Variants in NAA35 observed in about 807,000 individuals in gnomAD.
The protein encoded by NAA35 is N-alpha-acetyltransferase 35, NatC auxiliary subunit.
NAA35 carries 18 observed loss-of-function variants against 101.7 expected under a neutral mutation model. That is an observed-to-expected ratio of 0.18 (90% CI 0.12 to 0.26). NAA35 has a LOEUF of 0.26. Ranked by LOEUF, NAA35 falls within the 10% of genes least tolerant of loss-of-function variation. The pLI, the probability that NAA35 is intolerant of heterozygous loss-of-function variation, is 1.00. For missense variants in NAA35, 601 were observed against 886.8 expected, an observed-to-expected ratio of 0.68 and a Z score of 4.09; for synonymous variants, 267 against 273.1, an observed-to-expected ratio of 0.98 and a Z score of 0.22.
chr9:86,021,076 A>C, intron 22 of NAA35, 107 bp downstream of exon 22: 2 of 761,956 alleles, frequency 2.6e-6, no homozygotes. Flanking sequence ...CACTGAACAA[A>C]AATCATTCTA....
chr9:85,977,465 A>G lies in NAA35; in HGVS notation c.762+19A>G, dbSNP rs1830260024. Reference sequence around the variant, plus strand: ...GAAAGAGGTAAGGGCATTCAATATAATATGTCTATTTGTTTTAGTGATTTT... The same window carrying G: ...GAAAGAGGTAAGGGCATTCAATATAGTATGTCTATTTGTTTTAGTGATTTT... On this transcript the variant is annotated intron_variant, in intron 10 of 22. Coordinates refer to ENST00000361671, the MANE Select transcript of NAA35 (RefSeq NM_024635.4). 1.3e-6 allele frequency: 2 copies of G among 1,533,600 alleles called. No individual in the cohort carries two copies. Among genetic ancestry groups the G allele is most frequent in the Non-Finnish European group, 9.0e-7 (1 of 1,109,030 alleles). The allele number at this position is 1,533,600 out of a possible 1,614,324, so 95.0% of individuals were successfully genotyped here. A position where few individuals can be genotyped will look rare whatever the true frequency, so the allele number is the denominator to read the frequency against.
At chr9:85,983,225 T>C (rs1259433681) in intron 11 of NAA35, among the ~76,000 whole-genome samples, 1 of 152,230 alleles carries the variant, frequency 6.6e-6, no homozygotes, top group African/African-American at 2.4e-5. Flanking sequence ...TAGTCATTAT[T>C]GTGACCTACT....
chr9:86,002,769 A>G (rs1238823895), intron 12 of NAA35, among the ~76,000 whole-genome samples: 2 of 151,436 alleles, frequency 1.3e-5, no homozygotes, highest in African/African-American at 4.9e-5. Context: ...TATTATTATT[A>G]TTTTTCTTGG....
At chr9:85,957,939 A>G (rs1829345431) in intron 3 of NAA35, among the ~76,000 whole-genome samples, 3 of 147,152 alleles carry the variant, frequency 2.0e-5, no homozygotes, top group Admixed American at 6.8e-5. Context: ...CATCTTATAT[A>G]TTTTCTTTTT....
Position 85,993,153 on chromosome 9 carries a change from T to C in NAA35, c.878-3246T>C, listed in dbSNP as rs186095982. Among the ~76,000 whole-genome samples the C allele has an allele frequency of 1.3e-3, 193 of 152,304 alleles. 4 individuals are homozygous for C. The South Asian group carries it at 0.034, about 27-fold the overall frequency. ...AATGAGTACAAATTGTCTGATTGTT[T>C]TGTTTGTTTAAAAGTAGGAAAGGCT... On this transcript the variant is annotated intron_variant, in intron 11 of 22. Coordinates refer to ENST00000361671, the MANE Select transcript of NAA35 (RefSeq NM_024635.4).
chr9:85,942,077 GAAAC>G (rs1305701221), intron 1 of NAA35, 74 bp from the exon 2 acceptor site: 6 of 1,555,284 alleles, frequency 3.9e-6, no homozygotes, highest in African/African-American at 2.8e-5. Context: ...ATCCTATGCT[GAAAC>G]AAACACCCAT....
rs1832661696 is a variant in NAA35, at chr9:86,023,567, T to C, written c.*1607T>C. Among the ~76,000 whole-genome samples the C allele has an allele frequency of 6.6e-6, 1 of 152,200 alleles. No homozygotes were observed. ...GCCAAGATACAAAGTATAAAAAATA[T>C]GTCCCCCTTAAAAGCAAAAAAAGGA... On this transcript the variant is annotated 3_prime_UTR_variant, in exon 23 of 23. Transcript: ENST00000361671.
intron 2 of NAA35, among the ~76,000 whole-genome samples, chr9:85,942,523 A>G (rs1184343273): frequency 6.6e-6 from 1 of 152,234 alleles, no homozygotes; most frequent in South Asian, 2.1e-4. Flanking sequence ...TTAACAGGTT[A>G]GAGAGAGCAG....
intron 11 of NAA35, among the ~76,000 whole-genome samples, chr9:85,983,297 C>T (rs1403262474): frequency 1.3e-5 from 2 of 152,210 alleles, no homozygotes; most frequent in East Asian, 3.9e-4. Flanking sequence ...TAGCCAGGCA[C>T]ATGCTCTCCA....
intron 15 of NAA35, among the ~76,000 whole-genome samples, 193 bp downstream of exon 15, chr9:86,010,124 T>G (rs1246652826): frequency 6.6e-6 from 1 of 152,116 alleles, no homozygotes; most frequent in East Asian, 1.9e-4. Context: ...GGCGCACGCC[T>G]GTAGTGCCAG....
intron 8 of NAA35, among the ~76,000 whole-genome samples, chr9:85,975,837 G>A (rs1830187278): frequency 6.6e-6 from 1 of 152,084 alleles, no homozygotes; most frequent in African/African-American, 2.4e-5. Flanking sequence ...TTAATAGCTG[G>A]TACAGTGTCT....
At chr9:86,010,382 G>A (rs973294683) in intron 15 of NAA35, among the ~76,000 whole-genome samples, 7 of 151,846 alleles carry the variant, frequency 4.6e-5, no homozygotes, top group Admixed American at 4.6e-4. Context: ...TTGAGTGGAT[G>A]GTTTTATATC....
intron 1 of NAA35, chr9:85,941,659 C>G: frequency 1.0e-6 from 1 of 986,392 alleles, no homozygotes; most frequent in Non-Finnish European, 1.2e-6. Context: ...CTGCCGGCTC[C>G]TCATTGCTCC....
At chr9:85,996,808 A>G (rs993290540) in intron 12 of NAA35, among the ~76,000 whole-genome samples, 3 of 152,200 alleles carry the variant, frequency 2.0e-5, no homozygotes, top group Admixed American at 2.0e-4. Context: ...AAGCTTTTAC[A>G]CTATTTTAGA....
intron 2 of NAA35, among the ~76,000 whole-genome samples, chr9:85,946,354 C>G (rs1828762141): frequency 6.6e-6 from 1 of 152,120 alleles, no homozygotes; most frequent in South Asian, 2.1e-4. Context: ...TGGTCTCAAA[C>G]TCCTGGCCTT....
intron 2 of NAA35, among the ~76,000 whole-genome samples, chr9:85,946,539 T>G (rs988186592): frequency 6.6e-6 from 1 of 152,184 alleles, no homozygotes; most frequent in East Asian, 1.9e-4. Context: ...AATCTTTCAT[T>G]CCATTTTCTT....
At chr9:85,943,419 CT>C (rs936489906) in intron 2 of NAA35, among the ~76,000 whole-genome samples, 1 of 152,038 alleles carries the variant, frequency 6.6e-6, no homozygotes, top group African/African-American at 2.4e-5. Flanking sequence ...CAGCTTAGGT[CT>C]TTTGATGATA....
chr9:85,950,998 C>T (rs183820930), intron 2 of NAA35, among the ~76,000 whole-genome samples: 10 of 151,918 alleles, frequency 6.6e-5, no homozygotes, highest in African/African-American at 1.4e-4. Flanking sequence ...ATTAGCTGGG[C>T]GTGGCAGTGT....
At chr9:85,970,322 C>G (rs1829950788) in intron 6 of NAA35, among the ~76,000 whole-genome samples, 1 of 152,120 alleles carries the variant, frequency 6.6e-6, no homozygotes. Flanking sequence ...TTTTTGAATA[C>G]TTATTTCTGG....
Sources: allele counts gnomAD v4.1 joint callset (sites outside exome capture counted in the v4.1 genomes callset), GRCh38; gene constraint gnomAD v4.1.1; transcripts MANE v1.5; gene names NCBI Gene and HGNC (gene_info 2026-07-23, HGNC 2026-07-21).